The following RYR2 variants were observed in gnomAD, a reference collection of about 807,000 sequenced individuals.
RYR2 encodes the protein ryanodine receptor 2.
RYR2 carries 227 observed loss-of-function variants against 601.1 expected under a neutral mutation model. The observed-to-expected ratio is 0.38, with a 90% confidence interval of 0.34 to 0.42. The LOEUF (loss-of-function observed/expected upper bound fraction) is 0.42, where lower values mean the gene tolerates loss of function less well. Ranked by LOEUF, RYR2 falls within the 10% of genes least tolerant of loss-of-function variation. The pLI is 1.00. For missense variants in RYR2, 4,646 were observed against 6,156.5 expected (o/e 0.75, Z 8.21); for synonymous variants, 2,223 against 2,175.1 (o/e 1.02, Z -0.61).
chr1:237,294,239 G>T (rs545108593), intron 2 of RYR2, among the ~76,000 whole-genome samples: 1 of 152,216 alleles, frequency 6.6e-6, no homozygotes, highest in Non-Finnish European at 1.5e-5. Flanking sequence ...TTATATCACA[G>T]TATCACAAGA....
intron 1 of RYR2, among the ~76,000 whole-genome samples, chr1:237,250,576 T>A (rs1374770948): frequency 5.3e-5 from 8 of 152,286 alleles, no homozygotes; most frequent in Middle Eastern, 3.4e-3. Context: ...CTGTCTCGTA[T>A]TCCTCAAAGC....
chr1:237,165,488 C>T (rs1158438465), intron 1 of RYR2, among the ~76,000 whole-genome samples: 1 of 152,072 alleles, frequency 6.6e-6, no homozygotes, highest in Non-Finnish European at 1.5e-5. Context: ...CCTAGCTTTC[C>T]TTAGGGGGTG....
intron 70 of RYR2, among the ~76,000 whole-genome samples, chr1:237,710,724 G>A (rs935057583): frequency 1.4e-3 from 28 of 20,590 alleles, no homozygotes; most frequent in Non-Finnish European, 3.8e-3. Context: ...GATAATGCAT[G>A]CCCGGTGACA....
In RYR2 at chr1:237,602,031, C is replaced by T. The variant is rs1376021262; in HGVS notation, c.4603C>T (p.Pro1535Ser). ...KELSTYYQVE[P>S]STKLFPAVFA... ...TTCATTAAATGTATTTCAGGTGGAA[C>T]CGAGTACAAAATTATTTCCTGCGGT... The change falls in exon 35 of 105, where the codon CCG (proline) becomes TCG (serine). Residue 1535 changes from proline (P) to serine (S), a missense_variant. Pro to Ser is a moderately conservative substitution (Grantham distance 74). This residue lies in a region of RYR2 where 1,807 missense variants were observed against 2,088.1 expected (regional missense o/e 0.87). Coordinates refer to ENST00000366574, the MANE Select transcript of RYR2 (RefSeq NM_001035.3). The T allele has an allele frequency of 1.9e-6, 3 of 1,611,446 alleles. No homozygotes were observed. In the African/African-American group the frequency reaches 4.0e-5, roughly 22 times the overall value.
chr1:237,650,142 A>G, intron 50 of RYR2, 45 bp downstream of exon 50: 1 of 1,524,358 alleles, frequency 6.6e-7, no homozygotes, highest in Non-Finnish European at 9.0e-7. Context: ...TTTAAAAAAC[A>G]GAATTTACAA....
chr1:237,399,593 A>C (rs1703160643), intron 10 of RYR2, among the ~76,000 whole-genome samples: 1 of 152,214 alleles, frequency 6.6e-6, no homozygotes, highest in Admixed American at 6.5e-5. Context: ...GGTGTCACTC[A>C]CATCAATCAA....
chr1:237,509,249 A>G (rs909806582), intron 23 of RYR2, among the ~76,000 whole-genome samples: 1 of 152,058 alleles, frequency 6.6e-6, no homozygotes, highest in African/African-American at 2.4e-5. Flanking sequence ...CATCTAATGT[A>G]TGATTTGCAG....
In RYR2 at chr1:237,792,421, G is replaced by GTA. The variant is rs1422926484; in HGVS notation, c.13782+99_13782+100insAT. 1.2e-5 allele frequency: 9 copies of GTA among 750,042 alleles called. No individual in the cohort carries two copies. In the African/African-American group the frequency reaches 1.4e-4, roughly 12 times the overall value. The allele number at this position is 750,042 out of a possible 1,614,324, so 46.5% of individuals were successfully genotyped here. ...TGCGTGTGTGTGTGTGTGTGTGTGTGTGTTTTGCAGGCTGGACTTCTGGGG... is the reference window on the plus strand; with the variant it reads ...TGCGTGTGTGTGTGTGTGTGTGTGTGTATGTTTTGCAGGCTGGACTTCTGGGG... On this transcript the variant is annotated intron_variant, in intron 94 of 104. Coordinates refer to ENST00000366574, the MANE Select transcript of RYR2 (RefSeq NM_001035.3).
At chr1:237,506,863 G>A (rs767587715) in intron 23 of RYR2, 49 bp downstream of exon 23, 1 of 1,464,788 alleles carries the variant, frequency 6.8e-7, no homozygotes, top group Non-Finnish European at 9.5e-7. Context: ...ACATCTTTCT[G>A]AAAACATAAC....
chr1:237,742,493 ACCTGAGT>A (rs1338893666), intron 80 of RYR2, 144 bp downstream of exon 80: 1 of 654,776 alleles, frequency 1.5e-6, no homozygotes, highest in Non-Finnish European at 2.7e-6. Context: ...GGATGGACAA[ACCTGAGT>A]CCTAACATTT....
intron 13 of RYR2, among the ~76,000 whole-genome samples, chr1:237,444,105 C>T (rs766095133): frequency 2.6e-5 from 4 of 151,916 alleles, no homozygotes; most frequent in Non-Finnish European, 5.9e-5. Flanking sequence ...TTGTAATTTC[C>T]CATTCTTTGT....
At position 237,784,777 on chromosome 1, in the gene RYR2, A is replaced by G. The variant is rs1695412040; in HGVS notation, c.13065A>G (p.Glu4355=). The change falls in exon 90 of 105, where the codon GAA becomes GAG. Residue 4355 remains glutamate (E), a synonymous_variant. Coordinates refer to ENST00000366574, the MANE Select transcript of RYR2 (RefSeq NM_001035.3). The surrounding 1 kb of genome is among the most constrained non-coding windows in gnomAD (Gnocchi z 7.1). ...DGEEGERKPL[E]AALPSEDLTD... is the part of the protein sequence containing the mutation. ...AGGAGGGAGAGAGGAAACCCCTGGA[A>G]GCCGCCCTGCCCTCCGAGGATCTGA... The G allele has an allele frequency of 6.2e-7, 1 of 1,606,896 alleles. No homozygotes were observed. The highest frequency in any genetic ancestry group is 8.5e-7 in the Non-Finnish European group (1 of 1,175,538).
chr1:237,291,836 G>A (rs147263083), intron 2 of RYR2, among the ~76,000 whole-genome samples: 37 of 152,282 alleles, frequency 2.4e-4, no homozygotes, highest in African/African-American at 8.7e-4. Flanking sequence ...TACTGCAGTG[G>A]TGGTTATGTC....
At chr1:237,818,647 C>T (rs930094589) in intron 100 of RYR2, among the ~76,000 whole-genome samples, 34 of 152,072 alleles carry the variant, frequency 2.2e-4, no homozygotes, top group African/African-American at 8.2e-4. Context: ...CCTGACCTTT[C>T]CAATGTCTGT....
chr1:237,203,153 C>A (rs575181241), intron 1 of RYR2, among the ~76,000 whole-genome samples: 3 of 152,164 alleles, frequency 2.0e-5, no homozygotes, highest in Admixed American at 2.0e-4. Flanking sequence ...ATCACCACCA[C>A]CACACACACC....
intron 2 of RYR2, among the ~76,000 whole-genome samples, chr1:237,314,632 T>C (rs996614190): frequency 8.5e-5 from 13 of 152,162 alleles, no homozygotes; most frequent in African/African-American, 2.9e-4. Context: ...GCATCGTAAA[T>C]TGAAGAAGGT....
chr1:237,102,673 T>C (rs778200041), intron 1 of RYR2, among the ~76,000 whole-genome samples: 19 of 152,044 alleles, frequency 1.2e-4, no homozygotes, highest in Non-Finnish European at 2.6e-4. Flanking sequence ...CTGGCCAACA[T>C]TGTGAAACCC....
At chr1:237,115,158 T>C (rs939686266) in intron 1 of RYR2, among the ~76,000 whole-genome samples, 1 of 151,964 alleles carries the variant, frequency 6.6e-6, no homozygotes, top group African/African-American at 2.4e-5. Context: ...GTGTCTGGAC[T>C]CTGGAGACCA....
At chr1:237,159,019 G>T (rs551494244) in intron 1 of RYR2, among the ~76,000 whole-genome samples, 30 of 152,364 alleles carry the variant, frequency 2.0e-4, no homozygotes, top group African/African-American at 7.2e-4. Flanking sequence ...CAGGCGCAGT[G>T]GCTCACGCCT....
Sources: gnomAD v4.1 joint callset for allele counts (sites outside exome capture counted in the v4.1 genomes callset) on GRCh38, gnomAD v4.1.1 for gene constraint, gnomAD v4.1.1 regional missense constraint, Gnocchi (gnomAD v3.1) non-coding constraint, MANE v1.5 for transcripts, NCBI Gene and HGNC (gene_info 2026-07-23, HGNC 2026-07-21) for gene names.